NEDD4L: variants seen among roughly 807,000 people sequenced by gnomAD.
NEDD4L encodes E3 ubiquitin-protein ligase NEDD4-like.
Under a neutral mutation model 148.9 loss-of-function variants are expected in NEDD4L, and 54 were observed. The observed-to-expected ratio is 0.36, with a 90% CI of 0.29 to 0.45. The LOEUF is 0.45. NEDD4L is among the 20% of genes least tolerant of loss of function. The probability of loss-of-function intolerance (pLI) is 1.00; values close to 1 mark genes in which losing one functional copy is unlikely to be tolerated. For synonymous variants in NEDD4L, 433 were observed against 440.7 expected (o/e 0.98, Z 0.22); for missense variants, 856 against 1,233.8 (o/e 0.69, Z 4.59).
At chr18:58,367,979 A>G in intron 22 of NEDD4L, 112 bp downstream of exon 22, 2 of 1,192,404 alleles carry the variant, frequency 1.7e-6, no homozygotes, top group Admixed American at 2.5e-5. Flanking sequence ...TTACTCATAA[A>G]GTATTTTTAT....
At position 58,396,795 on chromosome 18, in the gene NEDD4L, A is replaced by C. The variant is rs142373133; in HGVS notation, c.*526A>C. The C allele has an allele frequency of 6.6e-6, 1 of 150,868 alleles. No individual in the cohort carries two copies. Among genetic ancestry groups the C allele is most frequent in the Admixed American group, 6.7e-5 (1 of 15,000 alleles). The allele number at this position is 150,868 out of a possible 1,614,324, so 9.3% of individuals were successfully genotyped here. A position where few individuals can be genotyped will look rare whatever the true frequency, so the allele number is the denominator to read the frequency against. ...ATTTTTGAAGTACTCTGACACCTCC[A>C]CCCTCTACTTTATTAGAATTGGAAG... On this transcript the variant is annotated 3_prime_UTR_variant, in exon 31 of 31. Coordinates refer to ENST00000400345, the MANE Select transcript of NEDD4L (RefSeq NM_001144967.3).
intron 1 of NEDD4L, among the ~76,000 whole-genome samples, chr18:58,155,400 T>G (rs2035358832): frequency 6.6e-6 from 1 of 152,076 alleles, no homozygotes; most frequent in African/African-American, 2.4e-5. Flanking sequence ...AAAAATAATT[T>G]CACAAATTTC....
Position 58,044,922 on chromosome 18 carries a change from C to T in NEDD4L, c.48+214C>T, listed in dbSNP as rs547697761. ...CCGAGCTCATTGTTTGTAAATAAAG[C>T]GGCGCGACGCCCTTGGAGCTGGGGG... On this transcript the variant is annotated intron_variant, in intron 1 of 30. Transcript: ENST00000400345. The T allele has an allele frequency of 4.0e-5, 19 of 479,762 alleles. No homozygotes were observed. In the South Asian group the frequency reaches 8.3e-4, roughly 21 times the overall value. The allele number at this position is 479,762 out of a possible 1,614,324, so 29.7% of individuals were successfully genotyped here.
intron 2 of NEDD4L, among the ~76,000 whole-genome samples, chr18:58,179,832 T>C (rs2038631935): frequency 6.6e-6 from 1 of 152,092 alleles, no homozygotes; most frequent in African/African-American, 2.4e-5. Flanking sequence ...TATTTCATCA[T>C]CTATTACAAT....
In NEDD4L at chr18:58,398,002, T is replaced by A. The variant is rs867183978; in HGVS notation, c.*1733T>A. The A allele has an allele frequency of 1.3e-5, 2 of 151,586 alleles. No homozygotes were observed. The highest frequency in any genetic ancestry group is 6.6e-5 in the Admixed American group (1 of 15,222). 9.4% of individuals were successfully genotyped at this position (151,586 alleles called of 1,614,324 possible). A position where few individuals can be genotyped will look rare whatever the true frequency, so the allele number is the denominator to read the frequency against. ...GCCCTGGCTGGCATGTGAGAAGCCA[T>A]GGAAGGTTGTGGTTGTAAATGAGTT... On this transcript the variant is annotated 3_prime_UTR_variant, in exon 31 of 31. Coordinates refer to ENST00000400345, the MANE Select transcript of NEDD4L (RefSeq NM_001144967.3).
intron 1 of NEDD4L, among the ~76,000 whole-genome samples, chr18:58,124,103 C>G (rs1023106108): frequency 6.6e-6 from 1 of 152,168 alleles, no homozygotes; most frequent in Non-Finnish European, 1.5e-5. Flanking sequence ...CCTGCCCTCT[C>G]CAGCGCCTGC....
chr18:58,397,497 C>A lies in NEDD4L; in HGVS notation c.*1228C>A, dbSNP rs899647467. On this transcript the variant is annotated 3_prime_UTR_variant, in exon 31 of 31. Coordinates refer to ENST00000400345, the MANE Select transcript of NEDD4L (RefSeq NM_001144967.3). Reference sequence around the variant, plus strand: ...AAAGCTGAGCCTACAGACCTGTCCTCACCAACTGTTTTGTGATTTCTACTC... The same window carrying A: ...AAAGCTGAGCCTACAGACCTGTCCTAACCAACTGTTTTGTGATTTCTACTC... The A allele has an allele frequency of 6.6e-6, 1 of 152,236 alleles. No homozygotes were observed. The highest frequency in any genetic ancestry group is 1.5e-5 in the Non-Finnish European group (1 of 68,044). The allele number at this position is 152,236 out of a possible 1,614,324, so 9.4% of individuals were successfully genotyped here. A position where few individuals can be genotyped will look rare whatever the true frequency, so the allele number is the denominator to read the frequency against.
intron 2 of NEDD4L, among the ~76,000 whole-genome samples, chr18:58,209,888 C>A (rs528382908): frequency 1.3e-5 from 2 of 152,034 alleles, no homozygotes; most frequent in Non-Finnish European, 2.9e-5. Flanking sequence ...AATGAGAGGC[C>A]GGGCATGATG....
chr18:58,108,471 A>G (rs949669385), intron 1 of NEDD4L, among the ~76,000 whole-genome samples: 2 of 152,074 alleles, frequency 1.3e-5, no homozygotes, highest in African/African-American at 4.8e-5. Flanking sequence ...CCCAGGCTGG[A>G]GTGCAGTGGT....
At chr18:58,195,543 C>T (rs1341495430) in intron 2 of NEDD4L, 1 of 1,340,676 alleles carries the variant, frequency 7.5e-7, no homozygotes, top group East Asian at 4.7e-5. Context: ...GCTGCAGAGC[C>T]CTGTCCACGC....
chr18:58,186,461 T>A (rs933664173), intron 2 of NEDD4L, among the ~76,000 whole-genome samples: 2 of 152,346 alleles, frequency 1.3e-5, no homozygotes, highest in Middle Eastern at 6.8e-3. Context: ...TTTTATAATG[T>A]GTGAGTCACA....
chr18:58,106,065 C>T (rs762835079), intron 1 of NEDD4L, among the ~76,000 whole-genome samples: 15 of 152,246 alleles, frequency 9.9e-5, no homozygotes, highest in Non-Finnish European at 1.9e-4. Flanking sequence ...CTTGGGCAGG[C>T]TGTTGATGTG....
chr18:58,280,537 T>C (rs1311497791), intron 5 of NEDD4L, among the ~76,000 whole-genome samples: 1 of 152,076 alleles, frequency 6.6e-6, no homozygotes, highest in Non-Finnish European at 1.5e-5. Flanking sequence ...CGAGCACAAG[T>C]CTGTGCATAT....
rs190958945 is a variant in NEDD4L, at chr18:58,257,601, G to A, written c.297+5547G>A. On this transcript the variant is annotated intron_variant, in intron 5 of 30. Coordinates refer to ENST00000400345, the MANE Select transcript of NEDD4L (RefSeq NM_001144967.3). Reference sequence around the variant, plus strand: ...TAGTAAGTACCCTGTCTCCAGCTGTGGAGAAATAGACGCCTTAGAACAGAT... The same window carrying A: ...TAGTAAGTACCCTGTCTCCAGCTGTAGAGAAATAGACGCCTTAGAACAGAT... 4.2e-3 allele frequency among the ~76,000 whole-genome samples: 636 copies of A among 152,210 alleles called. 3 individuals carry two copies. The highest frequency in any genetic ancestry group is 7.1e-3 in the Non-Finnish European group (481 of 67,994).
At chr18:58,162,384 C>T (rs557938222) in intron 1 of NEDD4L, among the ~76,000 whole-genome samples, 1 of 152,128 alleles carries the variant, frequency 6.6e-6, no homozygotes, top group East Asian at 1.9e-4. Flanking sequence ...GTCAGCTCTT[C>T]CTGCAACTCC....
intron 23 of NEDD4L, among the ~76,000 whole-genome samples, chr18:58,371,105 C>T (rs1487211736): frequency 7.9e-5 from 9 of 114,544 alleles, no homozygotes; most frequent in South Asian, 2.9e-4. Context: ...TGCAGTGGCG[C>T]GATCTTGGCT....
intron 1 of NEDD4L, among the ~76,000 whole-genome samples, chr18:58,110,469 T>C (rs9965182): frequency 0.084 from 12,768 of 152,252 alleles, 610 homozygotes; most frequent in Non-Finnish European, 0.11. Flanking sequence ...AATTAGGCAG[T>C]GAGCTGATGA....
intron 1 of NEDD4L, among the ~76,000 whole-genome samples, chr18:58,054,232 CA>C (rs2082000390): frequency 6.6e-6 from 1 of 152,230 alleles, no homozygotes; most frequent in South Asian, 2.1e-4. Flanking sequence ...CACAGCGTGA[CA>C]GGCTCCACAA....
At position 58,155,630 on chromosome 18, in the gene NEDD4L, C is replaced by A. The variant is rs143051157; in HGVS notation, c.49-10158C>A. 2.6e-5 allele frequency among the ~76,000 whole-genome samples: 4 copies of A among 152,206 alleles called. No homozygotes were observed. In the East Asian group the frequency reaches 7.7e-4, roughly 29 times the overall value. On this transcript the variant is annotated intron_variant, in intron 1 of 30. Coordinates refer to ENST00000400345, the MANE Select transcript of NEDD4L (RefSeq NM_001144967.3). Reference sequence around the variant, plus strand: ...AAAGCTCTCAAAGCATGATTATGGCCAAGATGAGGCCGGTGGCATGTTTGT... The same window carrying A: ...AAAGCTCTCAAAGCATGATTATGGCAAAGATGAGGCCGGTGGCATGTTTGT...
Sources: gnomAD v4.1 joint callset for allele counts (sites outside exome capture counted in the v4.1 genomes callset) on GRCh38, gnomAD v4.1.1 for gene constraint, MANE v1.5 for transcripts, NCBI Gene and HGNC (gene_info 2026-07-23, HGNC 2026-07-21) for gene names.